The following CFAP61 variants were observed in gnomAD, a reference collection of about 807,000 sequenced individuals.
The protein encoded by CFAP61 is cilia and flagella associated protein 61, also known as cilia- and flagella-associated protein 61.
Under a neutral mutation model 135.6 loss-of-function variants are expected in CFAP61, and 107 were observed. The observed-to-expected ratio is 0.79, with a 90% CI of 0.67 to 0.93. The LOEUF (loss-of-function observed/expected upper bound fraction) is 0.93, where lower values mean the gene tolerates loss of function less well. Among genes scored for constraint, CFAP61 ranks in the 40% least tolerant of loss-of-function variants. The probability of loss-of-function intolerance (pLI) is 0.00; values close to 1 mark genes in which losing one functional copy is unlikely to be tolerated. For missense variants in CFAP61, 1,507 were observed against 1,556.2 expected (o/e 0.97, Z 0.53); for synonymous variants, 575 against 578.5 (o/e 0.99, Z 0.09).
intron 17 of CFAP61, among the ~76,000 whole-genome samples, chr20:20,209,600 T>A (rs1306298892): frequency 6.6e-6 from 1 of 152,218 alleles, no homozygotes; most frequent in Non-Finnish European, 1.5e-5. Flanking sequence ...CCTATTTTTT[T>A]CTAATTGAGC....
At chr20:20,246,358 G>C in intron 19 of CFAP61, 143 bp downstream of exon 19, 1 of 679,582 alleles carries the variant, frequency 1.5e-6, no homozygotes, top group South Asian at 1.7e-5. Flanking sequence ...TCACTTAGGA[G>C]ATACAAGTAC....
At chr20:20,264,728 C>T (rs192092138) in intron 21 of CFAP61, among the ~76,000 whole-genome samples, 2 of 152,138 alleles carry the variant, frequency 1.3e-5, no homozygotes, top group African/African-American at 4.8e-5. Flanking sequence ...CCCACCTCTA[C>T]AAAAAATACA....
At chr20:20,263,634 G>A (rs147845654) in intron 21 of CFAP61, among the ~76,000 whole-genome samples, 43 of 152,128 alleles carry the variant, frequency 2.8e-4, no homozygotes, top group African/African-American at 1.0e-3. Context: ...AAATCGAAAT[G>A]AAAAAGGGAA....
chr20:20,224,526 C>T (rs1024578947), intron 17 of CFAP61, among the ~76,000 whole-genome samples: 1 of 152,062 alleles, frequency 6.6e-6, no homozygotes, highest in Non-Finnish European at 1.5e-5. Flanking sequence ...TTAGCTTATA[C>T]ACCATGCTGT....
intron 8 of CFAP61, among the ~76,000 whole-genome samples, chr20:20,129,272 C>G (rs928425644): frequency 6.6e-6 from 1 of 151,788 alleles, no homozygotes; most frequent in African/African-American, 2.4e-5. Flanking sequence ...TGAATTCTCT[C>G]AAGTTTTGTT....
intron 18 of CFAP61, among the ~76,000 whole-genome samples, chr20:20,242,888 A>AT (rs1281545097): frequency 4.6e-5 from 7 of 152,264 alleles, no homozygotes; most frequent in Admixed American, 2.0e-4. Flanking sequence ...CCTCTGAACA[A>AT]TTTGAGATCT....
At chr20:20,209,006 C>A (rs1405584804) in intron 17 of CFAP61, among the ~76,000 whole-genome samples, 1 of 152,200 alleles carries the variant, frequency 6.6e-6, no homozygotes, top group African/African-American at 2.4e-5. Flanking sequence ...AAAGCCCCTT[C>A]TGCATGTACT....
intron 25 of CFAP61, among the ~76,000 whole-genome samples, chr20:20,319,537 CCTT>C (rs1179756064): frequency 3.3e-5 from 5 of 152,190 alleles, no homozygotes; most frequent in African/African-American, 1.2e-4. Flanking sequence ...TAGCACCTCC[CCTT>C]CTCTCTTCCT....
At chr20:20,231,637 C>T (rs571953378) in intron 18 of CFAP61, among the ~76,000 whole-genome samples, 1 of 152,104 alleles carries the variant, frequency 6.6e-6, no homozygotes, top group Admixed American at 6.5e-5. Context: ...TGAGGGGAGC[C>T]CAGGAGGAAA....
chr20:20,142,778 A>G (rs2051513787), intron 8 of CFAP61, 79 bp from the exon 9 acceptor site: 1 of 800,026 alleles, frequency 1.2e-6, no homozygotes, highest in Non-Finnish European at 2.1e-6. Context: ...AAACCATGTG[A>G]CCATGCTGTC....
intron 25 of CFAP61, among the ~76,000 whole-genome samples, chr20:20,312,119 T>A (rs191826044): frequency 3.1e-4 from 47 of 152,322 alleles, no homozygotes; most frequent in African/African-American, 1.0e-3. Context: ...ATACAATTTC[T>A]GATACCTAAT....
At chr20:20,234,832 A>G (rs1021436475) in intron 18 of CFAP61, among the ~76,000 whole-genome samples, 1 of 152,096 alleles carries the variant, frequency 6.6e-6, no homozygotes, top group Non-Finnish European at 1.5e-5. Context: ...GAGTGATTCC[A>G]AAACGCAGAA....
chr20:20,337,354 GTGGATGGATGGATGGA>G (rs1299070093), intron 25 of CFAP61, among the ~76,000 whole-genome samples: 2 of 5,070 alleles, frequency 3.9e-4, no homozygotes, highest in African/African-American at 8.3e-4. Flanking sequence ...GGGTGGGTGG[GTGGATGGATGGATGGA>G]TGGATGGATG....
intron 9 of CFAP61, among the ~76,000 whole-genome samples, chr20:20,155,216 A>G (rs2052788228): frequency 1.3e-5 from 2 of 152,206 alleles, no homozygotes; most frequent in South Asian, 4.1e-4. Flanking sequence ...AAAACTGGCG[A>G]GCCACATGTA....
At chr20:20,167,796 A>G (rs1188673754) in intron 12 of CFAP61, among the ~76,000 whole-genome samples, 1 of 152,208 alleles carries the variant, frequency 6.6e-6, no homozygotes, top group Non-Finnish European at 1.5e-5. Context: ...GAGTTGCACA[A>G]ATGTCCCCAG....
chr20:20,083,607 C>T (rs1033498618), intron 6 of CFAP61, among the ~76,000 whole-genome samples: 11 of 152,010 alleles, frequency 7.2e-5, no homozygotes, highest in African/African-American at 2.4e-4. Context: ...TTTGATAGTC[C>T]CATGTCATGC....
intron 17 of CFAP61, among the ~76,000 whole-genome samples, chr20:20,205,710 C>G (rs2056826250): frequency 6.6e-6 from 1 of 152,174 alleles, no homozygotes; most frequent in African/African-American, 2.4e-5. Context: ...AGACATGGGT[C>G]CAGGTTGGTG....
chr20:20,227,839 A>C (rs2048851830), intron 17 of CFAP61, among the ~76,000 whole-genome samples: 1 of 152,224 alleles, frequency 6.6e-6, no homozygotes, highest in Non-Finnish European at 1.5e-5. Flanking sequence ...ATAATTTGTC[A>C]CTCAAGGTTT....
At chr20:20,307,081 C>T (rs1311103973) in intron 25 of CFAP61, among the ~76,000 whole-genome samples, 1 of 152,208 alleles carries the variant, frequency 6.6e-6, no homozygotes, top group African/African-American at 2.4e-5. Flanking sequence ...CCCTTGTCTT[C>T]TTAGCTGCCA....
Sources: allele counts gnomAD v4.1 joint callset (sites outside exome capture counted in the v4.1 genomes callset), GRCh38; gene constraint gnomAD v4.1.1; transcripts MANE v1.5; gene names NCBI Gene and HGNC (gene_info 2026-07-23, HGNC 2026-07-21).